Variants in CRBN observed in about 807,000 individuals in gnomAD.
CRBN encodes the protein protein cereblon.
CRBN carries 53 observed loss-of-function variants against 62.2 expected under a neutral mutation model. That is an observed-to-expected ratio of 0.85 (90% CI 0.68 to 1.07). CRBN has a LOEUF of 1.07. Among genes scored for constraint, CRBN ranks in the 50% least tolerant of loss-of-function variants. CRBN has a pLI of 0.00. For missense variants in CRBN, 616 were observed against 531.1 expected (o/e 1.16, Z -1.57); for synonymous variants, 208 against 176.1 (o/e 1.18, Z -1.43).
chr3:3,157,983 C>T (rs1440769198), intron 5 of CRBN, among the ~76,000 whole-genome samples: 1 of 152,134 alleles, frequency 6.6e-6, no homozygotes, highest in African/African-American at 2.4e-5. Flanking sequence ...TTCTAAAACA[C>T]GACCTACAGC....
chr3:3,175,009 TAC>T lies in CRBN; in HGVS notation c.174+152_174+153del, dbSNP rs947497322. ...ACATAGTATTAAGCTTCTTAAAAAT[TAC>T]AGTTAAATGTTTATCTACTGGCAAA... On this transcript the variant is annotated intron_variant, in intron 2 of 10. Transcript: ENST00000231948. Among the ~76,000 whole-genome samples the T allele has an allele frequency of 3.1e-4, 40 of 129,736 alleles. 1 individual carries two copies. Among genetic ancestry groups the T allele is most frequent in the Non-Finnish European group, 2.1e-4 (12 of 57,146 alleles). The allele number at this position is 129,736 out of a possible 152,430, so 85.1% of individuals were successfully genotyped here.
rs780959986 is a variant in CRBN at position 3,179,688 on chromosome 3, G to C, written c.-1C>G. On this transcript the variant is annotated 5_prime_UTR_variant, in exon 1 of 11. Transcript: ENST00000231948. ...CCTGCTGATCTCCTTCGCCGGCCAT[G>C]TCTGTTTACCCGCAAAGGAGGCTGG... 3.1e-6 allele frequency: 5 copies of C among 1,613,188 alleles called. No individual in the cohort carries two copies. In the South Asian group the frequency reaches 4.4e-5, roughly 14 times the overall value.
chr3:3,163,007 C>T (rs1045472738), intron 5 of CRBN, among the ~76,000 whole-genome samples: 2 of 152,198 alleles, frequency 1.3e-5, no homozygotes, highest in Non-Finnish European at 2.9e-5. Context: ...CCACTGCATA[C>T]GGAGTTCCTA....
chr3:3,175,421 C>A, intron 1 of CRBN, 152 bp from the exon 2 acceptor site: 1 of 637,968 alleles, frequency 1.6e-6, no homozygotes, highest in South Asian at 1.8e-5. Flanking sequence ...GACTGGGGTC[C>A]GTGCTGGGCT....
intron 1 of CRBN, among the ~76,000 whole-genome samples, chr3:3,178,299 G>A (rs1178160386): frequency 6.6e-6 from 1 of 152,204 alleles, no homozygotes; most frequent in Non-Finnish European, 1.5e-5. Context: ...TATTTTTACA[G>A]AAAAGTTCTC....
intron 2 of CRBN, among the ~76,000 whole-genome samples, chr3:3,174,751 G>T (rs1707762160): frequency 1.3e-5 from 2 of 152,168 alleles, no homozygotes; most frequent in South Asian, 4.1e-4. Flanking sequence ...ACTCTTAGAA[G>T]AATTTCTAAT....
intron 5 of CRBN, among the ~76,000 whole-genome samples, chr3:3,162,934 C>G (rs1175742618): frequency 6.6e-6 from 1 of 152,198 alleles, no homozygotes; most frequent in Non-Finnish European, 1.5e-5. Flanking sequence ...GTTACATAAT[C>G]CAGCCCTCAT....
chr3:3,177,085 C>G (rs1707853997), intron 1 of CRBN, among the ~76,000 whole-genome samples: 1 of 152,174 alleles, frequency 6.6e-6, no homozygotes, highest in South Asian at 2.1e-4. Flanking sequence ...AAATATCCTA[C>G]AATGCACGAG....
Position 3,153,413 on chromosome 3 carries a change from A to AT in CRBN, c.1016+10_1016+11insA, listed in dbSNP as rs1706725592. ...AAGGCAAGTATATTAAAAACGTAAT[A>AT]AAGACCTTACCTGAATATTTCATTT... On this transcript the variant is annotated intron_variant, in intron 9 of 10. Transcript: ENST00000231948. 1.4e-6 allele frequency: 2 copies of AT among 1,427,908 alleles called. No homozygotes were observed. The highest frequency in any genetic ancestry group is 2.0e-6 in the Non-Finnish European group (2 of 1,010,722). 88.5% of individuals were successfully genotyped at this position (1,427,908 alleles called of 1,614,324 possible).
intron 5 of CRBN, 162 bp from the exon 6 acceptor site, chr3:3,156,443 G>A (rs1706896606): frequency 1.6e-5 from 10 of 635,560 alleles, no homozygotes; most frequent in Non-Finnish European, 2.5e-5. Flanking sequence ...TCTATGAAGT[G>A]TGAAATCATG....
intron 1 of CRBN, among the ~76,000 whole-genome samples, chr3:3,178,837 A>T (rs1017690168): frequency 2.6e-5 from 4 of 152,190 alleles, no homozygotes; most frequent in African/African-American, 9.7e-5. Flanking sequence ...ACCTTTTGGA[A>T]AGCATCTCTT....
At chr3:3,153,165 A>G in intron 9 of CRBN, 1 of 428,942 alleles carries the variant, frequency 2.3e-6, no homozygotes, top group South Asian at 2.3e-5. Flanking sequence ...GATTGTCAAC[A>G]AGAATTAGGG....
chr3:3,175,877 T>C (rs1159052678), intron 1 of CRBN, among the ~76,000 whole-genome samples: 1 of 152,060 alleles, frequency 6.6e-6, no homozygotes, highest in East Asian at 1.9e-4. Flanking sequence ...AGAAGTGAAG[T>C]GTTGTTATTC....
chr3:3,153,802 C>T, intron 8 of CRBN, 158 bp downstream of exon 8: 2 of 660,968 alleles, frequency 3.0e-6, no homozygotes, highest in Non-Finnish European at 5.5e-6. Context: ...ATTTGACAAA[C>T]ACAAAACAAT....
intron 9 of CRBN, 70 bp downstream of exon 9, chr3:3,153,354 A>C: frequency 1.1e-6 from 1 of 934,512 alleles, no homozygotes; most frequent in Admixed American, 1.8e-5. Context: ...AAGTTTATGG[A>C]AAACAGAAAT....
chr3:3,150,363 T>G lies in CRBN; in HGVS notation c.*502A>C, dbSNP rs1347462869. 1 of 151,544 alleles carries G rather than the reference T, an allele frequency of 6.6e-6. No individual in the cohort carries two copies. The highest frequency in any genetic ancestry group is 6.5e-5 in the Admixed American group (1 of 15,268). 9.4% of individuals were successfully genotyped at this position (151,544 alleles called of 1,614,324 possible). On this transcript the variant is annotated 3_prime_UTR_variant, in exon 11 of 11. Transcript: ENST00000231948. Reference sequence around the variant, plus strand: ...AAGAAAATGGAAAGGAACAAAGCCCTTTTAGAATAATTAATATACATTGCC... The same window carrying G: ...AAGAAAATGGAAAGGAACAAAGCCCGTTTAGAATAATTAATATACATTGCC...
rs764950170 is a variant in CRBN at position 3,151,093 on chromosome 3, C to T, written c.1149-48G>A. ...CAGCTAAGGAAACATTTCTGTACTC[C>T]AAGCCTATCATATAAACCTATCATG... On this transcript the variant is annotated intron_variant, in intron 10 of 10. Coordinates refer to ENST00000231948, the MANE Select transcript of CRBN (RefSeq NM_016302.4). 16 of 1,586,398 alleles carry T rather than the reference C, an allele frequency of 1.0e-5. No homozygotes were observed. In the East Asian group the frequency reaches 3.4e-4, roughly 34 times the overall value.
intron 1 of CRBN, among the ~76,000 whole-genome samples, chr3:3,175,769 A>C (rs1044550607): frequency 3.9e-5 from 6 of 152,046 alleles, no homozygotes; most frequent in Non-Finnish European, 7.3e-5. Flanking sequence ...TTTGAGGAGT[A>C]CTGGTCAGGC....
At chr3:3,168,008 T>C (rs73009133) in intron 4 of CRBN, among the ~76,000 whole-genome samples, 1,567 of 151,906 alleles carry the variant, frequency 0.01, 16 homozygotes, top group Admixed American at 0.018. Context: ...TAACCTAAGG[T>C]ACGGATCTTC....
Sources: allele counts gnomAD v4.1 joint callset (sites outside exome capture counted in the v4.1 genomes callset), GRCh38; gene constraint gnomAD v4.1.1; transcripts MANE v1.5; gene names NCBI Gene and HGNC (gene_info 2026-07-23, HGNC 2026-07-21).